The following LRP1B variants were observed in gnomAD, a reference collection of about 807,000 sequenced individuals.
LRP1B encodes low-density lipoprotein receptor-related protein 1B.
In LRP1B, 217 loss-of-function variants were observed where a neutral mutation model predicts 556.6. The ratio of observed to expected loss-of-function variants is 0.39; its 90% CI spans 0.35 to 0.44. LRP1B has a LOEUF of 0.44. LRP1B is among the 20% of genes least tolerant of loss of function. The pLI is 1.00. For synonymous variants in LRP1B, 2,047 were observed against 1,865.8 expected, an observed-to-expected ratio of 1.10 and a Z score of -2.50; for missense variants, 5,053 against 5,620.8, an observed-to-expected ratio of 0.90 and a Z score of 3.23.
intron 2 of LRP1B, among the ~76,000 whole-genome samples, chr2:141,579,776 T>C (rs1204195361): frequency 1.5e-5 from 2 of 136,602 alleles, no homozygotes; most frequent in Non-Finnish European, 3.1e-5. Flanking sequence ...CTCGGCTCAC[T>C]GAAAGCTCCG....
intron 4 of LRP1B, among the ~76,000 whole-genome samples, chr2:141,249,827 A>G (rs955466837): frequency 6.6e-6 from 1 of 152,158 alleles, no homozygotes; most frequent in Non-Finnish European, 1.5e-5. Flanking sequence ...TGTTGATGTA[A>G]TGTAGGGAAA....
At chr2:141,336,548 AT>A (rs1303215404) in intron 3 of LRP1B, among the ~76,000 whole-genome samples, 4 of 152,020 alleles carry the variant, frequency 2.6e-5, no homozygotes, top group East Asian at 1.9e-4. Flanking sequence ...TTATAGTTTA[AT>A]TTTTTCTCAT....
intron 84 of LRP1B, among the ~76,000 whole-genome samples, chr2:140,284,633 C>T (rs1683052663): frequency 6.6e-6 from 1 of 151,446 alleles, no homozygotes; most frequent in Non-Finnish European, 1.5e-5. Flanking sequence ...TTATATCCTT[C>T]CATCCTTATT....
intron 21 of LRP1B, among the ~76,000 whole-genome samples, chr2:140,919,719 A>G (rs1332355872): frequency 6.6e-6 from 1 of 152,048 alleles, no homozygotes. Flanking sequence ...TTTTTTGTTC[A>G]TCAGGCAGTA....
intron 41 of LRP1B, chr2:140,683,381 T>G (rs1685932028): frequency 2.0e-6 from 1 of 508,498 alleles, no homozygotes; most frequent in Non-Finnish European, 3.8e-6. Flanking sequence ...CATCAAACTA[T>G]CCTGTTTCAA....
chr2:141,098,926 G>A (rs764197052), intron 7 of LRP1B, among the ~76,000 whole-genome samples: 20 of 152,166 alleles, frequency 1.3e-4, no homozygotes, highest in South Asian at 6.2e-4. Flanking sequence ...CAAAGTGCTC[G>A]GATTACAATT....
intron 7 of LRP1B, among the ~76,000 whole-genome samples, chr2:141,131,465 A>G (rs1701354956): frequency 7.3e-6 from 1 of 136,420 alleles, no homozygotes; most frequent in African/African-American, 2.8e-5. Context: ...GTCTCCTTTG[A>G]TAATGTTGAC....
intron 1 of LRP1B, among the ~76,000 whole-genome samples, chr2:142,071,078 G>C (rs1705294781): frequency 6.6e-6 from 1 of 151,864 alleles, no homozygotes; most frequent in African/African-American, 2.4e-5. Context: ...CTCATGTTGT[G>C]GGGGTTGGGA....
At chr2:141,041,723 A>G (rs1019030026) in intron 11 of LRP1B, among the ~76,000 whole-genome samples, 2 of 152,136 alleles carry the variant, frequency 1.3e-5, no homozygotes, top group Admixed American at 6.6e-5. Context: ...AAAACATTAC[A>G]AAGAAGATTC....
At chr2:142,034,068 G>A (rs1181917430) in intron 1 of LRP1B, among the ~76,000 whole-genome samples, 3 of 151,506 alleles carry the variant, frequency 2.0e-5, no homozygotes, top group South Asian at 4.2e-4. Context: ...CATTTCCCAC[G>A]TGACCACTAA....
intron 3 of LRP1B, among the ~76,000 whole-genome samples, chr2:141,437,645 C>A (rs905886075): frequency 1.3e-5 from 2 of 151,766 alleles, no homozygotes; most frequent in Non-Finnish European, 2.9e-5. Flanking sequence ...GGAAAAAAAT[C>A]TCAGGGGTAT....
chr2:141,756,184 C>T (rs2105580903), intron 2 of LRP1B, among the ~76,000 whole-genome samples: 1 of 152,132 alleles, frequency 6.6e-6, no homozygotes, highest in Admixed American at 6.5e-5. Context: ...ATTAATGTTT[C>T]CACAAATGTC....
chr2:141,793,813 A>G (rs1259761046), intron 2 of LRP1B, among the ~76,000 whole-genome samples: 1 of 151,826 alleles, frequency 6.6e-6, no homozygotes, highest in East Asian at 1.9e-4. Context: ...TTGGAATCTA[A>G]ATGCATTTCC....
chr2:140,616,983 T>C (rs929852890), intron 41 of LRP1B, among the ~76,000 whole-genome samples: 1 of 151,862 alleles, frequency 6.6e-6, no homozygotes. Context: ...ATAGTTAAAA[T>C]TTATAGTGTG....
At chr2:141,177,275 A>T (rs1680779275) in intron 7 of LRP1B, among the ~76,000 whole-genome samples, 1 of 152,100 alleles carries the variant, frequency 6.6e-6, no homozygotes, top group African/African-American at 2.4e-5. Flanking sequence ...CTCTAATTTT[A>T]GGTAGAAAAA....
At chr2:142,130,129 T>C (rs922584814) in intron 1 of LRP1B, among the ~76,000 whole-genome samples, 1 of 152,142 alleles carries the variant, frequency 6.6e-6, no homozygotes, top group Non-Finnish European at 1.5e-5. Context: ...CTGACCCCAG[T>C]CTGCCCCCAG....
intron 1 of LRP1B, among the ~76,000 whole-genome samples, chr2:141,825,877 C>T (rs966547143): frequency 3.9e-5 from 6 of 152,192 alleles, no homozygotes; most frequent in East Asian, 1.9e-4. Context: ...TTTTCAGAAG[C>T]GACATAAATG....
At chr2:141,953,767 G>A (rs1021748957) in intron 1 of LRP1B, among the ~76,000 whole-genome samples, 3 of 151,938 alleles carry the variant, frequency 2.0e-5, no homozygotes, top group Admixed American at 6.6e-5. Flanking sequence ...TTACTCATTC[G>A]TTTGGCTTAT....
chr2:140,913,733 T>A (rs1015561404), intron 21 of LRP1B, among the ~76,000 whole-genome samples: 2 of 152,196 alleles, frequency 1.3e-5, no homozygotes, highest in South Asian at 4.1e-4. Flanking sequence ...ATTCTAATTT[T>A]TATATTTGCT....
Sources: gnomAD v4.1 joint callset for allele counts (sites outside exome capture counted in the v4.1 genomes callset) on GRCh38, gnomAD v4.1.1 for gene constraint, MANE v1.5 for transcripts, NCBI Gene and HGNC (gene_info 2026-07-23, HGNC 2026-07-21) for gene names.